The following ZNF71 variants were observed in gnomAD, a reference collection of about 807,000 sequenced individuals.
ZNF71 encodes the protein zinc finger protein 71.
A neutral mutation model predicts 6.7 loss-of-function variants in ZNF71; 3 were observed. That is an observed-to-expected ratio of 0.45 (90% CI 0.20 to 1.16). The LOEUF (loss-of-function observed/expected upper bound fraction) is 1.16, where lower values mean the gene tolerates loss of function less well. Ranked by LOEUF, ZNF71 falls within the 50% of genes most tolerant of loss-of-function variation. The probability of loss-of-function intolerance (pLI) is 0.25; values close to 1 mark genes in which losing one functional copy is unlikely to be tolerated. For missense variants in ZNF71, 688 were observed against 728.6 expected (o/e 0.94, Z 0.64); for synonymous variants, 343 against 311.1 (o/e 1.10, Z -1.08).
chr19:56,610,173 G>A (rs532868663), intron 2 of ZNF71: 4 of 152,284 alleles, frequency 2.6e-5, no homozygotes, highest in African/African-American at 9.6e-5. Context: ...AGGTCATAAG[G>A]TAACTCTGTG....
chr19:56,622,810 C>G lies in ZNF71; in HGVS notation c.*53C>G. On this transcript the variant is annotated 3_prime_UTR_variant, in exon 4 of 4. Transcript: ENST00000599599. ...GGTGCCCAGGACGGACGCCAGATGGCTGCGCGCTTTGTCAGCAGTGCTGTG... is the reference window on the plus strand; with the variant it reads ...GGTGCCCAGGACGGACGCCAGATGGGTGCGCGCTTTGTCAGCAGTGCTGTG... The G allele has an allele frequency of 3.2e-6, 5 of 1,541,670 alleles. No individual in the cohort carries two copies. Among genetic ancestry groups the G allele is most frequent in the Middle Eastern group, 1.8e-4 (1 of 5,674 alleles).
intron 3 of ZNF71, 82 bp from the exon 4 acceptor site, chr19:56,621,186 T>G: frequency 1.4e-6 from 2 of 1,428,646 alleles, no homozygotes; most frequent in Non-Finnish European, 1.9e-6. Context: ...CGGTTTCATT[T>G]GCTCCTTCCT....
rs1396522075 is a variant in ZNF71 at position 56,622,376 on chromosome 19, C to T, written c.1269C>T (p.Phe423=). ...PFECSECGKA[F]SKNSSLTQHQ... is the part of the protein sequence containing the mutation. ...AGTGCAGCGAGTGCGGCAAGGCCTT[C>T]AGCAAGAACTCCTCGCTCACGCAGC... The change falls in exon 4 of 4, where the codon TTC becomes TTT. Residue 423 remains phenylalanine, a synonymous_variant. Coordinates refer to ENST00000599599, the MANE Select transcript of ZNF71 (RefSeq NM_001370215.1). 1.2e-6 allele frequency: 2 copies of T among 1,613,564 alleles called. No homozygotes were observed. The highest frequency in any genetic ancestry group is 1.7e-5 in the Admixed American group (1 of 60,012).
At chr19:56,606,903 C>T (rs543652267) in intron 2 of ZNF71, among the ~76,000 whole-genome samples, 13 of 152,190 alleles carry the variant, frequency 8.5e-5, no homozygotes, top group African/African-American at 3.1e-4. Context: ...AAGGCCAGCC[C>T]ACATTCAAGG....
intron 2 of ZNF71, 117 bp downstream of exon 2, chr19:56,601,708 C>T: frequency 1.5e-6 from 1 of 659,012 alleles, no homozygotes; most frequent in Non-Finnish European, 1.9e-6. Context: ...GCTGTGTCTG[C>T]CCTGATGAAG....
chr19:56,599,144 C>T (rs1017296801), intron 1 of ZNF71, among the ~76,000 whole-genome samples: 1 of 152,090 alleles, frequency 6.6e-6, no homozygotes, highest in Non-Finnish European at 1.5e-5. Flanking sequence ...TGTAGAGAGG[C>T]ATGTTTCTGT....
chr19:56,617,623 T>A (rs2044806742), intron 3 of ZNF71, among the ~76,000 whole-genome samples: 1 of 152,238 alleles, frequency 6.6e-6, no homozygotes, highest in Non-Finnish European at 1.5e-5. Context: ...ATGTCTCCCA[T>A]GACAGTGGCC....
intron 2 of ZNF71, among the ~76,000 whole-genome samples, chr19:56,606,137 A>G (rs1211660556): frequency 6.6e-6 from 1 of 152,196 alleles, no homozygotes; most frequent in East Asian, 1.9e-4. Flanking sequence ...AACATTAGTT[A>G]TTTTTATCAT....
chr19:56,610,977 T>C (rs1457852659), intron 2 of ZNF71, among the ~76,000 whole-genome samples: 2 of 152,246 alleles, frequency 1.3e-5, no homozygotes. Context: ...CCACCTTTTG[T>C]CTATTGTGAA....
chr19:56,603,592 T>C lies in ZNF71; in HGVS notation c.33+2001T>C, dbSNP rs1372453488. Among the ~76,000 whole-genome samples, 1 of 152,204 alleles carries C rather than the reference T, an allele frequency of 6.6e-6. No individual in the cohort carries two copies. Among genetic ancestry groups the C allele is most frequent in the African/African-American group, 2.4e-5 (1 of 41,444 alleles). ...CTTAGGTGTGTACCTGGAAGTGGAA[T>C]GTTGGGTCATATGGTTAACTCTGTT... On this transcript the variant is annotated intron_variant, in intron 2 of 3. Transcript: ENST00000599599. This position sits in a 1 kb window ranked among gnomAD's most constrained non-coding sequence, Gnocchi z 4.6.
In ZNF71 at chr19:56,598,688, C is replaced by T. The variant is rs10421299; in HGVS notation, c.-52-2819C>T. ...GTCTCTACCAACTAAACGCCCATAG[C>T]ACTCCCCTGCCAAATTATGACAGTT... On this transcript the variant is annotated intron_variant, in intron 1 of 3. Transcript: ENST00000599599. The surrounding 1 kb of genome is among the most constrained non-coding windows in gnomAD (Gnocchi z 4.2). Among the ~76,000 whole-genome samples, 83,903 of 152,032 alleles carry T rather than the reference C, an allele frequency of 0.55. 23,655 individuals are homozygous for T. Among genetic ancestry groups the T allele is most frequent in the South Asian group, 0.72 (3,473 of 4,818 alleles).
intron 3 of ZNF71, among the ~76,000 whole-genome samples, chr19:56,620,798 G>C (rs1322124175): frequency 1.3e-5 from 2 of 152,132 alleles, no homozygotes; most frequent in Non-Finnish European, 2.9e-5. Context: ...AAAGTGTTGG[G>C]ATTACAGGCA....
Position 56,623,022 on chromosome 19 carries a change from A to T in ZNF71, c.*265A>T. 1 of 538,722 alleles carries T rather than the reference A, an allele frequency of 1.9e-6. No homozygotes were observed. The highest frequency in any genetic ancestry group is 3.4e-6 in the Non-Finnish European group (1 of 297,520). 33.4% of individuals were successfully genotyped at this position (538,722 alleles called of 1,614,324 possible). A position where few individuals can be genotyped will look rare whatever the true frequency, so the allele number is the denominator to read the frequency against. ...TGAGCCATGGCCGCTGGTAACAGAC[A>T]TCAGGGTTCCAGACTAGCCCTCTTG... On this transcript the variant is annotated 3_prime_UTR_variant, in exon 4 of 4. Coordinates refer to ENST00000599599, the MANE Select transcript of ZNF71 (RefSeq NM_001370215.1).
chr19:56,619,564 A>G (rs1165509705), intron 3 of ZNF71, among the ~76,000 whole-genome samples: 1 of 152,188 alleles, frequency 6.6e-6, no homozygotes, highest in Non-Finnish European at 1.5e-5. Context: ...GCTTTTTTGA[A>G]CAGTTTGGAC....
chr19:56,597,332 T>C lies in ZNF71; in HGVS notation c.-53+1904T>C, dbSNP rs115730921. Reference sequence around the variant, plus strand: ...GAATTTTTTTTTATATTAAATTGTGTTTCAAAAATGTTGATGGTAATATGA... The same window carrying C: ...GAATTTTTTTTTATATTAAATTGTGCTTCAAAAATGTTGATGGTAATATGA... On this transcript the variant is annotated intron_variant, in intron 1 of 3. Transcript: ENST00000599599. 9.0e-3 allele frequency among the ~76,000 whole-genome samples: 1,377 copies of C among 152,222 alleles called. 24 individuals carry two copies. The highest frequency in any genetic ancestry group is 0.032 in the African/African-American group (1,326 of 41,512).
Position 56,615,847 on chromosome 19 carries a change from A to G in ZNF71, c.160+1909A>G, listed in dbSNP as rs73937518. ...TCTCGTTGCCTGTATTTTTGGTGGT[A>G]TATCTAAACAATCTAACTCAAAGCC... On this transcript the variant is annotated intron_variant, in intron 3 of 3. Transcript: ENST00000599599. 9.7e-4 allele frequency among the ~76,000 whole-genome samples: 148 copies of G among 152,240 alleles called. 1 individual carries two copies. Among genetic ancestry groups the G allele is most frequent in the African/African-American group, 3.4e-3 (142 of 41,554 alleles).
Position 56,601,501 on chromosome 19 carries a change from C to T in ZNF71, c.-52-6C>T. ...CAGCATGCCTCCCTCTTTCTTCTCC[C>T]TACAGCACTGTTGGTCACCGCAGGC... On this transcript the variant is annotated splice_polypyrimidine_tract_variant and splice_region_variant and intron_variant, in intron 1 of 3. Transcript: ENST00000599599. 2.0e-6 allele frequency: 2 copies of T among 983,650 alleles called. No homozygotes were observed. Among genetic ancestry groups the T allele is most frequent in the Non-Finnish European group, 2.4e-6 (2 of 828,028 alleles). 60.9% of individuals were successfully genotyped at this position (983,650 alleles called of 1,614,324 possible).
chr19:56,598,287 G>A lies in ZNF71; in HGVS notation c.-53+2859G>A, dbSNP rs564281370. Among the ~76,000 whole-genome samples, 14 of 152,068 alleles carry A rather than the reference G, an allele frequency of 9.2e-5. No individual in the cohort carries two copies. The highest frequency in any genetic ancestry group is 1.4e-4 in the African/African-American group (6 of 41,408). ...ATTCCCTCCAGAGGGAACAGCAGAT[G>A]CAGAGGCCAGGAGGCCTGGGGCCAA... is the stretch of plus-strand genomic sequence containing the variant. On this transcript the variant is annotated intron_variant, in intron 1 of 3. Coordinates refer to ENST00000599599, the MANE Select transcript of ZNF71 (RefSeq NM_001370215.1). The surrounding 1 kb of genome is among the most constrained non-coding windows in gnomAD (Gnocchi z 4.2).
chr19:56,612,296 A>C (rs2044757527), intron 2 of ZNF71, among the ~76,000 whole-genome samples: 1 of 152,204 alleles, frequency 6.6e-6, no homozygotes, highest in Non-Finnish European at 1.5e-5. Context: ...CAGTCAACCT[A>C]AGTGCCCATC....
Sources: gnomAD v4.1 joint callset for allele counts (sites outside exome capture counted in the v4.1 genomes callset) on GRCh38, gnomAD v4.1.1 for gene constraint, Gnocchi (gnomAD v3.1) non-coding constraint, MANE v1.5 for transcripts, NCBI Gene and HGNC (gene_info 2026-07-23, HGNC 2026-07-21) for gene names.